MEIS2: variants seen among roughly 807,000 people sequenced by gnomAD.
MEIS2 encodes the protein homeobox protein Meis2.
MEIS2 carries 9 observed loss-of-function variants against 58.6 expected under a neutral mutation model. The observed-to-expected ratio is 0.15, with a 90% CI of 0.09 to 0.27. The LOEUF (loss-of-function observed/expected upper bound fraction) is 0.27, where lower values mean the gene tolerates loss of function less well. MEIS2 is among the 10% of genes least tolerant of loss of function. The pLI, the probability that MEIS2 is intolerant of heterozygous loss-of-function variation, is 1.00. For synonymous variants in MEIS2, 221 were observed against 228.4 expected, an observed-to-expected ratio of 0.97 and a Z score of 0.29; for missense variants, 427 against 635.0, an observed-to-expected ratio of 0.67 and a Z score of 3.52.
intron 8 of MEIS2, among the ~76,000 whole-genome samples, chr15:37,030,374 T>G (rs2061866857): frequency 6.6e-6 from 1 of 152,124 alleles, no homozygotes; most frequent in South Asian, 2.1e-4. Context: ...TTTTTTTCTT[T>G]TTTTTAGGCT....
intron 8 of MEIS2, among the ~76,000 whole-genome samples, chr15:36,965,952 A>G (rs1029589633): frequency 6.6e-6 from 1 of 152,254 alleles, no homozygotes; most frequent in African/African-American, 2.4e-5. Flanking sequence ...AAAAAAGATT[A>G]AGAGACAAAG....
At chr15:37,026,523 G>A (rs1212190175) in intron 8 of MEIS2, among the ~76,000 whole-genome samples, 2 of 152,292 alleles carry the variant, frequency 1.3e-5, no homozygotes, top group Non-Finnish European at 2.9e-5. Flanking sequence ...TGTGATAACA[G>A]AGGTATTTAA....
At chr15:37,017,991 C>T (rs1266424002) in intron 8 of MEIS2, among the ~76,000 whole-genome samples, 1 of 152,158 alleles carries the variant, frequency 6.6e-6, no homozygotes, top group Non-Finnish European at 1.5e-5. Flanking sequence ...TTAATGCAGG[C>T]AATGTGGTAA....
At chr15:37,090,430 A>G (rs959187444) in intron 6 of MEIS2, among the ~76,000 whole-genome samples, 1 of 152,130 alleles carries the variant, frequency 6.6e-6, no homozygotes, top group Non-Finnish European at 1.5e-5. Flanking sequence ...GTTATATCAA[A>G]TTATTTATAT....
At chr15:36,924,520 T>C (rs906250045) in intron 9 of MEIS2, among the ~76,000 whole-genome samples, 3 of 152,106 alleles carry the variant, frequency 2.0e-5, no homozygotes, top group African/African-American at 4.8e-5. Flanking sequence ...GAGAAAAATA[T>C]GAAATACACA....
intron 8 of MEIS2, among the ~76,000 whole-genome samples, chr15:36,996,595 C>T (rs1595892199): frequency 6.6e-6 from 1 of 152,302 alleles, no homozygotes; most frequent in East Asian, 1.9e-4. Context: ...ATCTGCAAAA[C>T]TTCCAAGATT....
intron 7 of MEIS2, among the ~76,000 whole-genome samples, chr15:37,075,641 C>T (rs933161413): frequency 7.9e-5 from 12 of 151,796 alleles, no homozygotes; most frequent in Non-Finnish European, 1.5e-4. Flanking sequence ...GCCAGATAAT[C>T]GAAGAAGTGA....
intron 8 of MEIS2, among the ~76,000 whole-genome samples, chr15:36,996,032 TACAC>T (rs1205549790): frequency 8.6e-6 from 1 of 116,094 alleles, no homozygotes; most frequent in South Asian, 3.3e-4. Flanking sequence ...TGTATATATA[TACAC>T]ACACACACAC....
At chr15:36,905,696 T>C (rs1295079663) in intron 9 of MEIS2, among the ~76,000 whole-genome samples, 1 of 152,222 alleles carries the variant, frequency 6.6e-6, no homozygotes, top group East Asian at 1.9e-4. Context: ...CACACATTGG[T>C]AAATCTTCCA....
intron 8 of MEIS2, among the ~76,000 whole-genome samples, chr15:36,963,400 G>C (rs1052936451): frequency 6.7e-6 from 1 of 149,518 alleles, no homozygotes; most frequent in African/African-American, 2.5e-5. Flanking sequence ...AAAAAAGAGT[G>C]AAACTTGGAT....
intron 7 of MEIS2, among the ~76,000 whole-genome samples, chr15:37,075,037 G>A (rs544384875): frequency 1.3e-5 from 2 of 152,002 alleles, no homozygotes; most frequent in East Asian, 3.9e-4. Context: ...ATACTTCCAG[G>A]CTCCTTTACC....
At chr15:37,009,182 G>A (rs567445333) in intron 8 of MEIS2, among the ~76,000 whole-genome samples, 2 of 152,176 alleles carry the variant, frequency 1.3e-5, no homozygotes, top group Admixed American at 1.3e-4. Context: ...CCAGCTACTC[G>A]GGAGGCTGAG....
intron 7 of MEIS2, among the ~76,000 whole-genome samples, chr15:37,080,317 T>G (rs1356906239): frequency 1.3e-5 from 2 of 152,098 alleles, no homozygotes; most frequent in Admixed American, 1.3e-4. Flanking sequence ...TGTCAACATC[T>G]CAATTACAGC....
At chr15:37,068,775 A>G in intron 7 of MEIS2, among the ~76,000 whole-genome samples, 1 of 152,224 alleles carries the variant, frequency 6.6e-6, no homozygotes, top group East Asian at 1.9e-4. Flanking sequence ...ATGCACATGA[A>G]AAAGTTAAGT....
chr15:37,021,573 C>T, intron 8 of MEIS2, among the ~76,000 whole-genome samples: 1 of 152,190 alleles, frequency 6.6e-6, no homozygotes, highest in East Asian at 1.9e-4. Context: ...AGATTACAAA[C>T]CTAAAAATGT....
intron 8 of MEIS2, among the ~76,000 whole-genome samples, chr15:36,960,909 C>A (rs1022872421): frequency 2.0e-5 from 3 of 152,124 alleles, no homozygotes; most frequent in Non-Finnish European, 2.9e-5. Context: ...AAGCAATCAA[C>A]TATAATAACC....
chr15:36,980,318 C>T (rs538303988), intron 8 of MEIS2, among the ~76,000 whole-genome samples: 3 of 152,124 alleles, frequency 2.0e-5, no homozygotes, highest in South Asian at 2.1e-4. Context: ...TATATTAGTT[C>T]GTTTTCACGC....
At chr15:36,928,942 A>T (rs1372246967) in intron 9 of MEIS2, among the ~76,000 whole-genome samples, 1 of 152,230 alleles carries the variant, frequency 6.6e-6, no homozygotes, top group Non-Finnish European at 1.5e-5. Context: ...GAAAGAAGGG[A>T]AAGAAAGAAA....
At chr15:36,929,798 G>C (rs956920925) in intron 9 of MEIS2, among the ~76,000 whole-genome samples, 2 of 152,098 alleles carry the variant, frequency 1.3e-5, no homozygotes, top group Non-Finnish European at 2.9e-5. Context: ...ACTTGATGTG[G>C]GCTAATATTA....
Sources: allele counts gnomAD v4.1 joint callset (sites outside exome capture counted in the v4.1 genomes callset), GRCh38; gene constraint gnomAD v4.1.1; transcripts MANE v1.5; gene names NCBI Gene and HGNC (gene_info 2026-07-23, HGNC 2026-07-21).